The following ZMAT4 variants were observed in gnomAD, a reference collection of about 807,000 sequenced individuals.
ZMAT4 encodes zinc finger matrin-type 4.
ZMAT4 carries 17 observed loss-of-function variants against 28.7 expected under a neutral mutation model. The ratio of observed to expected loss-of-function variants is 0.59; its 90% CI spans 0.41 to 0.89. ZMAT4 has a LOEUF of 0.89. Among genes scored for constraint, ZMAT4 ranks in the 40% least tolerant of loss-of-function variants. The pLI, the probability that ZMAT4 is intolerant of heterozygous loss-of-function variation, is 0.00. For missense variants in ZMAT4, 240 were observed against 283.8 expected (o/e 0.85, Z 1.11); for synonymous variants, 117 against 109.2 (o/e 1.07, Z -0.44).
chr8:40,847,727 G>A (rs994107951), intron 1 of ZMAT4, among the ~76,000 whole-genome samples: 5 of 152,106 alleles, frequency 3.3e-5, no homozygotes, highest in Non-Finnish European at 5.9e-5. Context: ...GGCTGTGAGG[G>A]AAATGAAGGC....
chr8:40,803,051 A>G (rs184027159), intron 2 of ZMAT4, among the ~76,000 whole-genome samples: 1 of 152,296 alleles, frequency 6.6e-6, no homozygotes, highest in Non-Finnish European at 1.5e-5. Flanking sequence ...CATAGACCTT[A>G]CATTCTCCAC....
chr8:40,740,057 G>C (rs1196459457), intron 3 of ZMAT4, among the ~76,000 whole-genome samples: 3 of 152,126 alleles, frequency 2.0e-5, no homozygotes, highest in Non-Finnish European at 4.4e-5. Flanking sequence ...ATGGGCGTTT[G>C]GGTTGGTTCC....
chr8:40,813,612 C>T (rs1038243490), intron 2 of ZMAT4, among the ~76,000 whole-genome samples: 4 of 152,336 alleles, frequency 2.6e-5, no homozygotes, highest in South Asian at 2.1e-4. Context: ...CCAAAGGGCT[C>T]GCCATAAGGT....
At chr8:40,891,947 A>T (rs1158360955) in intron 1 of ZMAT4, among the ~76,000 whole-genome samples, 7 of 152,220 alleles carry the variant, frequency 4.6e-5, no homozygotes, top group Middle Eastern at 6.8e-3. Flanking sequence ...GCTCAAACCA[A>T]CACAAAGCAA....
intron 1 of ZMAT4, among the ~76,000 whole-genome samples, chr8:40,862,221 C>T (rs1357387043): frequency 6.6e-6 from 1 of 152,012 alleles, no homozygotes; most frequent in Non-Finnish European, 1.5e-5. Context: ...ACATATACAC[C>T]ATGGAATACT....
rs1410471216 is a variant in ZMAT4 at position 40,656,081 on chromosome 8, A to G, written c.577+18623T>C. On this transcript the variant is annotated intron_variant, in intron 5 of 6. Transcript: ENST00000297737. ...TAAGAATCCAGTATCCAGACTACAT[A>G]AAAATCTATTACAACTCAACAATAA... 4.6e-5 allele frequency among the ~76,000 whole-genome samples: 7 copies of G among 152,166 alleles called. No homozygotes were observed. The East Asian group carries it at 1.3e-3, about 29-fold the overall frequency.
At chr8:40,870,304 C>G (rs1817811577) in intron 1 of ZMAT4, among the ~76,000 whole-genome samples, 1 of 152,176 alleles carries the variant, frequency 6.6e-6, no homozygotes, top group South Asian at 2.1e-4. Context: ...CTTTCTGTAG[C>G]CCAGGACTCT....
At chr8:40,546,713 C>T (rs949833326) in intron 6 of ZMAT4, among the ~76,000 whole-genome samples, 3 of 152,082 alleles carry the variant, frequency 2.0e-5, no homozygotes, top group Admixed American at 2.0e-4. Flanking sequence ...TGGTGACAGA[C>T]ACAGAAAGGG....
rs139768712 is a variant in ZMAT4, at chr8:40,691,097, T to G, written c.349+6148A>C. 7.9e-5 allele frequency among the ~76,000 whole-genome samples: 12 copies of G among 152,312 alleles called. No individual in the cohort carries two copies. The East Asian group carries it at 2.3e-3, about 29-fold the overall frequency. On this transcript the variant is annotated intron_variant, in intron 4 of 6. Transcript: ENST00000297737. ...TTTGCTCCTAGGAGAAATTCAGGGT[T>G]AGGTTCCTAGGAACTTGTGGTTACA...
intron 5 of ZMAT4, among the ~76,000 whole-genome samples, chr8:40,609,256 A>G (rs978059069): frequency 2.0e-5 from 3 of 152,226 alleles, no homozygotes; most frequent in Non-Finnish European, 2.9e-5. Context: ...ATATTACTCT[A>G]TAAAGTATGG....
At position 40,866,402 on chromosome 8, in the gene ZMAT4, C is replaced by T. The variant is rs62636695; in HGVS notation, c.-5+31281G>A. Among the ~76,000 whole-genome samples the T allele has an allele frequency of 6.1e-3, 936 of 152,330 alleles. 3 individuals are homozygous for T. The highest frequency in any genetic ancestry group is 0.01 in the Non-Finnish European group (695 of 68,034). On this transcript the variant is annotated intron_variant, in intron 1 of 6. Transcript: ENST00000297737. ...AATGTGCGTTCTGAGCCCACTGGCA[C>T]CCCAGGCACGTTTCCAACAAACAAT...
chr8:40,750,564 T>C (rs1270942668), intron 3 of ZMAT4, among the ~76,000 whole-genome samples: 1 of 152,194 alleles, frequency 6.6e-6, no homozygotes, highest in Non-Finnish European at 1.5e-5. Flanking sequence ...ATACAAATTT[T>C]CAGGAAAGAG....
chr8:40,655,506 A>G (rs1371612118), intron 5 of ZMAT4, among the ~76,000 whole-genome samples: 1 of 149,812 alleles, frequency 6.7e-6, no homozygotes, highest in Non-Finnish European at 1.5e-5. Context: ...AAAGTCTGGA[A>G]AAAAAAAAAG....
intron 5 of ZMAT4, among the ~76,000 whole-genome samples, chr8:40,608,608 G>A (rs779533195): frequency 6.6e-6 from 1 of 152,146 alleles, no homozygotes; most frequent in South Asian, 2.1e-4. Flanking sequence ...AGGAAACTTC[G>A]TGTTCAGTCA....
intron 2 of ZMAT4, among the ~76,000 whole-genome samples, chr8:40,809,787 T>C (rs1375777228): frequency 6.6e-6 from 1 of 152,180 alleles, no homozygotes; most frequent in Admixed American, 6.5e-5. Flanking sequence ...ACCACACCTG[T>C]AATCCTAGCA....
In ZMAT4 at chr8:40,715,934, G is replaced by T. The variant is rs116935654; in HGVS notation, c.193-18533C>A. ...TAAGGCATCAACACGAATGTTTTCT[G>T]CCCAAGCCTATAAGCGCCTGTGGTT... On this transcript the variant is annotated intron_variant, in intron 3 of 6. Coordinates refer to ENST00000297737, the MANE Select transcript of ZMAT4 (RefSeq NM_024645.3). 3.6e-3 allele frequency among the ~76,000 whole-genome samples: 550 copies of T among 152,318 alleles called. 2 individuals carry two copies. The highest frequency in any genetic ancestry group is 9.7e-3 in the Admixed American group (148 of 15,304).
chr8:40,600,360 C>T (rs759189253), intron 5 of ZMAT4, among the ~76,000 whole-genome samples: 1 of 152,200 alleles, frequency 6.6e-6, no homozygotes. Context: ...GACCTCCATT[C>T]TGGCATGAGC....
At chr8:40,807,370 G>C (rs1586086555) in intron 2 of ZMAT4, among the ~76,000 whole-genome samples, 2 of 152,194 alleles carry the variant, frequency 1.3e-5, no homozygotes, top group South Asian at 2.1e-4. Flanking sequence ...AAGAACACCA[G>C]GAGGAGAAGG....
At chr8:40,596,577 A>G (rs1298986526) in intron 5 of ZMAT4, among the ~76,000 whole-genome samples, 1 of 152,196 alleles carries the variant, frequency 6.6e-6, no homozygotes, top group Non-Finnish European at 1.5e-5. Context: ...GATCATCAGG[A>G]CATCACTAGG....
Sources: allele counts gnomAD v4.1 joint callset (sites outside exome capture counted in the v4.1 genomes callset), GRCh38; gene constraint gnomAD v4.1.1; transcripts MANE v1.5; gene names NCBI Gene and HGNC (gene_info 2026-07-23, HGNC 2026-07-21).